Variants in MACROD2 observed in about 807,000 individuals in gnomAD.
The protein encoded by MACROD2 is mono-ADP ribosylhydrolase 2.
MACROD2 carries 36 observed loss-of-function variants against 70.4 expected under a neutral mutation model. That is an observed-to-expected ratio of 0.51 (90% CI 0.39 to 0.68). MACROD2 has a LOEUF of 0.68. Ranked by LOEUF, MACROD2 falls within the 30% of genes least tolerant of loss-of-function variation. MACROD2 has a pLI of 0.00. For synonymous variants in MACROD2, 172 were observed against 178.8 expected, an observed-to-expected ratio of 0.96 and a Z score of 0.30; for missense variants, 496 against 538.4, an observed-to-expected ratio of 0.92 and a Z score of 0.78.
chr20:15,019,273 T>C (rs1455728122), intron 5 of MACROD2, among the ~76,000 whole-genome samples: 1 of 152,216 alleles, frequency 6.6e-6, no homozygotes. Flanking sequence ...GAGCTTCTAT[T>C]GTGTAAGAAC....
chr20:15,469,046 C>G (rs2046931687), intron 7 of MACROD2, among the ~76,000 whole-genome samples: 1 of 152,162 alleles, frequency 6.6e-6, no homozygotes, highest in Non-Finnish European at 1.5e-5. Context: ...TTTAGGAGCT[C>G]ATGTAGTGAA....
intron 3 of MACROD2, among the ~76,000 whole-genome samples, chr20:14,137,253 T>C (rs1204957801): frequency 2.6e-5 from 4 of 152,202 alleles, no homozygotes; most frequent in African/African-American, 9.7e-5. Flanking sequence ...GTTATATGTA[T>C]TACATACTCT....
At chr20:15,669,990 T>A (rs1192632311) in intron 8 of MACROD2, among the ~76,000 whole-genome samples, 1 of 152,178 alleles carries the variant, frequency 6.6e-6, no homozygotes, top group Non-Finnish European at 1.5e-5. Context: ...AGTCAGTACT[T>A]TTATTACCCT....
At chr20:15,234,009 ATTCTTTTTTTTTT>A (rs1379605560) in intron 6 of MACROD2, among the ~76,000 whole-genome samples, 1 of 39,984 alleles carries the variant, frequency 2.5e-5, no homozygotes, top group African/African-American at 8.6e-5. Flanking sequence ...ATATATATAT[ATTCTTTTTTTTTT>A]TTTTTTTTTT....
chr20:15,985,215 T>A (rs1027477990), intron 13 of MACROD2, among the ~76,000 whole-genome samples: 3 of 152,122 alleles, frequency 2.0e-5, no homozygotes, highest in African/African-American at 7.2e-5. Context: ...TGTTTTTGTT[T>A]TTTCTCCTGA....
At chr20:14,361,051 G>C (rs1283702486) in intron 3 of MACROD2, among the ~76,000 whole-genome samples, 1 of 152,096 alleles carries the variant, frequency 6.6e-6, no homozygotes, top group Non-Finnish European at 1.5e-5. Context: ...TCGAATTGCT[G>C]TTTTCATTCT....
chr20:14,869,366 G>C (rs994990588), intron 5 of MACROD2, among the ~76,000 whole-genome samples: 3 of 152,116 alleles, frequency 2.0e-5, no homozygotes, highest in Admixed American at 2.0e-4. Context: ...TATCAATGAA[G>C]TATTTCTAAA....
At chr20:14,686,444 CA>C (rs2123600346) in intron 5 of MACROD2, among the ~76,000 whole-genome samples, 1 of 152,194 alleles carries the variant, frequency 6.6e-6, no homozygotes, top group East Asian at 1.9e-4. Flanking sequence ...TGGAATTTTC[CA>C]CTTGTGGCAT....
chr20:15,198,069 C>T (rs1305310368), intron 5 of MACROD2, among the ~76,000 whole-genome samples: 1 of 149,756 alleles, frequency 6.7e-6, no homozygotes, highest in Non-Finnish European at 1.5e-5. Context: ...TCAAGCGATT[C>T]TCCTGCTTCA....
chr20:15,704,639 CA>C (rs2146903150), intron 8 of MACROD2, among the ~76,000 whole-genome samples: 1 of 152,320 alleles, frequency 6.6e-6, no homozygotes, highest in South Asian at 2.1e-4. Flanking sequence ...GCCATTCTAA[CA>C]AGCTCCCAGG....
rs7267555 is a variant in MACROD2 at position 14,130,966 on chromosome 20, C to A, written c.271+45238C>A. On this transcript the variant is annotated intron_variant, in intron 3 of 17. Coordinates refer to ENST00000684519, the MANE Select transcript of MACROD2 (RefSeq NM_001351661.2). ...TTTTTCTTGAGACAGGCTCTGTTGC[C>A]CAAGCCAGACTGAAGTAGCTCAATC... Among the ~76,000 whole-genome samples the A allele has an allele frequency of 4.5e-3, 664 of 149,106 alleles. 2 individuals are homozygous for A. Among genetic ancestry groups the A allele is most frequent in the African/African-American group, 0.016 (621 of 40,064 alleles).
At chr20:15,865,071 A>G (rs777142557) in intron 9 of MACROD2, among the ~76,000 whole-genome samples, 1 of 152,142 alleles carries the variant, frequency 6.6e-6, no homozygotes, top group Non-Finnish European at 1.5e-5. Flanking sequence ...CCTATAGTGC[A>G]TTATTATTCA....
At chr20:15,839,509 A>G (rs969769486) in intron 8 of MACROD2, among the ~76,000 whole-genome samples, 1 of 152,104 alleles carries the variant, frequency 6.6e-6, no homozygotes, top group Non-Finnish European at 1.5e-5. Flanking sequence ...CTGCCATGAG[A>G]CTATTGACTT....
At chr20:15,822,287 G>A (rs1352029690) in intron 8 of MACROD2, among the ~76,000 whole-genome samples, 1 of 152,210 alleles carries the variant, frequency 6.6e-6, no homozygotes, top group East Asian at 1.9e-4. Context: ...CTAAAATGTG[G>A]TGTGTATGTT....
chr20:14,801,100 G>A (rs887253156), intron 5 of MACROD2, among the ~76,000 whole-genome samples: 1 of 152,118 alleles, frequency 6.6e-6, no homozygotes, highest in African/African-American at 2.4e-5. Context: ...GGAGAAAATG[G>A]AATCACAAGT....
chr20:15,084,661 C>T (rs1448692309), intron 5 of MACROD2, among the ~76,000 whole-genome samples: 1 of 152,006 alleles, frequency 6.6e-6, no homozygotes, highest in Non-Finnish European at 1.5e-5. Flanking sequence ...TTGTATTTTC[C>T]CTGTTACTGT....
chr20:15,136,817 T>A (rs974183272), intron 5 of MACROD2, among the ~76,000 whole-genome samples: 40 of 152,074 alleles, frequency 2.6e-4, no homozygotes, highest in African/African-American at 8.9e-4. Flanking sequence ...TACTCATCTT[T>A]CAAAGGGCTA....
At chr20:14,349,027 C>A (rs1432404960) in intron 3 of MACROD2, among the ~76,000 whole-genome samples, 1 of 152,062 alleles carries the variant, frequency 6.6e-6, no homozygotes, top group Non-Finnish European at 1.5e-5. Flanking sequence ...ATGATCACCC[C>A]ACTGTATTCC....
intron 15 of MACROD2, among the ~76,000 whole-genome samples, chr20:16,015,340 G>T (rs1030830778): frequency 6.6e-6 from 1 of 151,850 alleles, no homozygotes; most frequent in African/African-American, 2.4e-5. Flanking sequence ...CATCTCTGTA[G>T]AAAATAAAAC....
Sources: allele counts gnomAD v4.1 joint callset (sites outside exome capture counted in the v4.1 genomes callset), GRCh38; gene constraint gnomAD v4.1.1; transcripts MANE v1.5; gene names NCBI Gene and HGNC (gene_info 2026-07-23, HGNC 2026-07-21).